Variants in SLC4A10 observed in about 807,000 individuals in gnomAD.
The protein encoded by SLC4A10 is solute carrier family 4 member 10.
A neutral mutation model predicts 137.7 loss-of-function variants in SLC4A10; 42 were observed. The ratio of observed to expected loss-of-function variants is 0.30; its 90% CI spans 0.24 to 0.39. The LOEUF (loss-of-function observed/expected upper bound fraction) is 0.39. Ranked by LOEUF, SLC4A10 falls within the 10% of genes least tolerant of loss-of-function variation. SLC4A10 has a pLI of 1.00. For synonymous variants in SLC4A10, 474 were observed against 464.1 expected (o/e 1.02, Z -0.27); for missense variants, 925 against 1,355.0 (o/e 0.68, Z 4.98).
At chr2:161,946,227 G>A (rs533002620) in intron 16 of SLC4A10, among the ~76,000 whole-genome samples, 1 of 152,082 alleles carries the variant, frequency 6.6e-6, no homozygotes, top group African/African-American at 2.4e-5. Flanking sequence ...GAAGATGTTT[G>A]CAGTTAAATT....
chr2:161,862,287 A>G (rs1415577403), intron 5 of SLC4A10, among the ~76,000 whole-genome samples: 2 of 152,184 alleles, frequency 1.3e-5, no homozygotes, highest in African/African-American at 4.8e-5. Flanking sequence ...TCCATATGAA[A>G]CAGAATTGTT....
intron 1 of SLC4A10, among the ~76,000 whole-genome samples, chr2:161,747,431 G>T (rs1259430621): frequency 6.6e-6 from 1 of 152,278 alleles, no homozygotes. Context: ...GGGGATGGGG[G>T]AGGAGTTTTG....
chr2:161,980,838 A>G (rs552231528), intron 26 of SLC4A10, among the ~76,000 whole-genome samples: 1 of 152,352 alleles, frequency 6.6e-6, no homozygotes, highest in African/African-American at 2.4e-5. Context: ...AGTTCCTGGC[A>G]TATAATAGAT....
At chr2:161,965,738 T>C (rs1244319483) in intron 23 of SLC4A10, among the ~76,000 whole-genome samples, 1 of 152,208 alleles carries the variant, frequency 6.6e-6, no homozygotes, top group African/African-American at 2.4e-5. Flanking sequence ...TTTTACAGGC[T>C]ACTTATTTAT....
At chr2:161,812,763 C>T (rs939233959) in intron 3 of SLC4A10, among the ~76,000 whole-genome samples, 1 of 151,988 alleles carries the variant, frequency 6.6e-6, no homozygotes, top group African/African-American at 2.4e-5. Context: ...TTATCCACCT[C>T]ACCCTAATGG....
At chr2:161,785,433 T>C (rs1030185168) in intron 2 of SLC4A10, among the ~76,000 whole-genome samples, 1 of 151,724 alleles carries the variant, frequency 6.6e-6, no homozygotes, top group African/African-American at 2.4e-5. Flanking sequence ...AATTACATAA[T>C]AATATCTCTG....
intron 24 of SLC4A10, among the ~76,000 whole-genome samples, 166 bp from the exon 25 acceptor site, chr2:161,976,594 T>A (rs908920992): frequency 6.6e-6 from 1 of 152,222 alleles, no homozygotes; most frequent in Non-Finnish European, 1.5e-5. Flanking sequence ...CTTTTAAAAA[T>A]AGTTAAGGTA....
chr2:161,694,442 G>T (rs1012384207), intron 1 of SLC4A10, among the ~76,000 whole-genome samples: 12 of 148,634 alleles, frequency 8.1e-5, no homozygotes, highest in Non-Finnish European at 1.6e-4. Context: ...AATGTTTAAT[G>T]AATGAAATTC....
At chr2:161,678,455 G>T (rs914340437) in intron 1 of SLC4A10, among the ~76,000 whole-genome samples, 8 of 152,176 alleles carry the variant, frequency 5.3e-5, no homozygotes, top group Admixed American at 1.3e-4. Context: ...GAGACGACAC[G>T]GATATTTTAA....
At chr2:161,693,491 A>G (rs2042194954) in intron 1 of SLC4A10, among the ~76,000 whole-genome samples, 1 of 151,862 alleles carries the variant, frequency 6.6e-6, no homozygotes, top group South Asian at 2.1e-4. Context: ...TCCAGCAAAG[A>G]TTTGCAGCAT....
intron 14 of SLC4A10, 84 bp from the exon 15 acceptor site, chr2:161,905,558 T>G (rs918403718): frequency 2.0e-6 from 3 of 1,494,564 alleles, no homozygotes; most frequent in Admixed American, 2.3e-5. Context: ...ACTTCCTGAA[T>G]GAGGTTTATT....
At chr2:161,646,218 G>A (rs1159743859) in intron 1 of SLC4A10, among the ~76,000 whole-genome samples, 4 of 152,006 alleles carry the variant, frequency 2.6e-5, no homozygotes, top group South Asian at 4.1e-4. Flanking sequence ...TCAGGCTAGA[G>A]ATGCATAAAA....
At chr2:161,686,828 C>A (rs185542817) in intron 1 of SLC4A10, among the ~76,000 whole-genome samples, 1 of 151,838 alleles carries the variant, frequency 6.6e-6, no homozygotes, top group Non-Finnish European at 1.5e-5. Context: ...GGCAGAGCAG[C>A]CCCAAGGGCT....
At chr2:161,873,777 C>A in intron 7 of SLC4A10, 139 bp from the exon 8 acceptor site, 1 of 780,748 alleles carries the variant, frequency 1.3e-6, no homozygotes, top group Non-Finnish European at 2.0e-6. Context: ...GTGATCAGCT[C>A]CTTGGACCTG....
At chr2:161,708,854 T>A in intron 1 of SLC4A10, 1 of 1,522,080 alleles carries the variant, frequency 6.6e-7, no homozygotes, top group African/African-American at 1.4e-5. Context: ...ATTATGATGA[T>A]AATATTAGAA....
intron 1 of SLC4A10, among the ~76,000 whole-genome samples, chr2:161,768,287 C>T (rs1230157238): frequency 6.6e-6 from 1 of 151,990 alleles, no homozygotes; most frequent in Non-Finnish European, 1.5e-5. Context: ...TCCATAAGTC[C>T]CTACTCTGGC....
intron 2 of SLC4A10, among the ~76,000 whole-genome samples, chr2:161,777,790 A>G (rs1214820806): frequency 6.6e-6 from 1 of 152,036 alleles, no homozygotes; most frequent in African/African-American, 2.4e-5. Flanking sequence ...TGGGGCTACA[A>G]GATGAGATCT....
chr2:161,700,330 A>G (rs1174498583), intron 1 of SLC4A10, among the ~76,000 whole-genome samples: 1 of 152,160 alleles, frequency 6.6e-6, no homozygotes. Context: ...GTGGTCATTC[A>G]TATAGCCATC....
intron 2 of SLC4A10, among the ~76,000 whole-genome samples, chr2:161,793,913 AATG>A (rs1239223926): frequency 6.6e-6 from 1 of 152,158 alleles, no homozygotes; most frequent in Non-Finnish European, 1.5e-5. Context: ...TGTTTCCTGT[AATG>A]ATAATTGCCA....
Sources: allele counts gnomAD v4.1 joint callset (sites outside exome capture counted in the v4.1 genomes callset), GRCh38; gene constraint gnomAD v4.1.1; transcripts MANE v1.5; gene names NCBI Gene and HGNC (gene_info 2026-07-23, HGNC 2026-07-21).